The following ADAMTSL1 variants were observed in gnomAD, a reference collection of about 807,000 sequenced individuals.
ADAMTSL1 encodes the protein ADAMTS like 1, also known as ADAMTS-like protein 1.
ADAMTSL1 carries 126 observed loss-of-function variants against 201.8 expected under a neutral mutation model. The ratio of observed to expected loss-of-function variants is 0.62; its 90% CI spans 0.54 to 0.72. ADAMTSL1 has a LOEUF of 0.72. Among genes scored for constraint, ADAMTSL1 ranks in the 30% least tolerant of loss-of-function variants. The pLI, the probability that ADAMTSL1 is intolerant of heterozygous loss-of-function variation, is 0.00. For synonymous variants in ADAMTSL1, 1,121 were observed against 903.4 expected (o/e 1.24, Z -4.32); for missense variants, 2,679 against 2,277.8 (o/e 1.18, Z -3.59).
intron 2 of ADAMTSL1, among the ~76,000 whole-genome samples, chr9:18,468,433 A>T (rs1162055922): frequency 6.6e-6 from 1 of 152,178 alleles, no homozygotes; most frequent in South Asian, 2.1e-4. Context: ...ATTGAGAGAC[A>T]TGTCCAGTGG....
At chr9:18,270,803 C>T (rs1034563695) in intron 2 of ADAMTSL1, among the ~76,000 whole-genome samples, 5 of 152,128 alleles carry the variant, frequency 3.3e-5, no homozygotes, top group Non-Finnish European at 5.9e-5. Flanking sequence ...TCTAATTCGG[C>T]CATTAGCTGG....
intron 2 of ADAMTSL1, among the ~76,000 whole-genome samples, chr9:18,375,589 C>T (rs142243594): frequency 1.8e-4 from 27 of 152,216 alleles, no homozygotes; most frequent in East Asian, 7.7e-4. Flanking sequence ...TGGTTCCTTC[C>T]GGTGAGTTTG....
intron 1 of ADAMTSL1, among the ~76,000 whole-genome samples, chr9:18,079,837 G>A (rs1167251730): frequency 6.6e-6 from 1 of 152,154 alleles, no homozygotes; most frequent in Non-Finnish European, 1.5e-5. Context: ...GAGGTTGGAA[G>A]TGTTCCTAAA....
At chr9:18,767,426 G>A (rs1227397125) in intron 16 of ADAMTSL1, among the ~76,000 whole-genome samples, 3 of 152,128 alleles carry the variant, frequency 2.0e-5, no homozygotes, top group African/African-American at 7.2e-5. Flanking sequence ...CTTATAAAAA[G>A]AAAGAATGAA....
At chr9:18,452,227 A>T (rs1820435775) in intron 2 of ADAMTSL1, among the ~76,000 whole-genome samples, 1 of 152,150 alleles carries the variant, frequency 6.6e-6, no homozygotes, top group Non-Finnish European at 1.5e-5. Flanking sequence ...GCTCCCATTT[A>T]TAACAAATTT....
chr9:18,372,405 A>G (rs1245056307), intron 2 of ADAMTSL1, among the ~76,000 whole-genome samples: 1 of 152,196 alleles, frequency 6.6e-6, no homozygotes, highest in Non-Finnish European at 1.5e-5. Flanking sequence ...GACCTTTAAG[A>G]TAACTATCTC....
At chr9:18,865,094 A>G (rs573616574) in intron 23 of ADAMTSL1, among the ~76,000 whole-genome samples, 15 of 152,018 alleles carry the variant, frequency 9.9e-5, no homozygotes, top group Admixed American at 2.6e-4. Context: ...CAACGTGCAG[A>G]TTTGTTACAT....
intron 23 of ADAMTSL1, among the ~76,000 whole-genome samples, chr9:18,830,389 T>C (rs919131404): frequency 6.6e-6 from 1 of 152,194 alleles, no homozygotes; most frequent in African/African-American, 2.4e-5. Context: ...TAATCAACTT[T>C]CGAGGAGAAA....
chr9:18,811,334 C>T (rs1440857463), intron 20 of ADAMTSL1, among the ~76,000 whole-genome samples: 1 of 152,200 alleles, frequency 6.6e-6, no homozygotes, highest in Non-Finnish European at 1.5e-5. Context: ...GGAGTTCCAC[C>T]TTCACCCTGC....
At chr9:18,206,463 T>C (rs1487599182) in intron 2 of ADAMTSL1, among the ~76,000 whole-genome samples, 1 of 152,114 alleles carries the variant, frequency 6.6e-6, no homozygotes, top group Non-Finnish European at 1.5e-5. Context: ...CCTTCTTTTT[T>C]GTTCTCTATT....
chr9:18,834,446 G>A (rs1289685151), intron 23 of ADAMTSL1, among the ~76,000 whole-genome samples: 4 of 151,738 alleles, frequency 2.6e-5, no homozygotes, highest in Non-Finnish European at 1.5e-5. Context: ...TTCTTTATAC[G>A]TTTGACCCAT....
chr9:18,678,894 T>C (rs1564142967), intron 10 of ADAMTSL1, among the ~76,000 whole-genome samples: 1 of 152,178 alleles, frequency 6.6e-6, no homozygotes, highest in Non-Finnish European at 1.5e-5. Flanking sequence ...ACAGAGCTAC[T>C]TCATTCTCTT....
At chr9:17,954,783 C>T (rs1188089092) in intron 1 of ADAMTSL1, among the ~76,000 whole-genome samples, 7 of 152,124 alleles carry the variant, frequency 4.6e-5, no homozygotes, top group Admixed American at 4.6e-4. Context: ...AAATTAAACA[C>T]AGTTAGGTCT....
intron 7 of ADAMTSL1, among the ~76,000 whole-genome samples, chr9:18,640,157 A>G (rs1438442393): frequency 6.6e-6 from 1 of 152,110 alleles, no homozygotes; most frequent in Non-Finnish European, 1.5e-5. Context: ...GTAAGAATGC[A>G]TATAGGAAAA....
chr9:18,031,692 G>A (rs936207445), intron 1 of ADAMTSL1, among the ~76,000 whole-genome samples: 3 of 152,120 alleles, frequency 2.0e-5, no homozygotes, highest in Non-Finnish European at 2.9e-5. Flanking sequence ...TTTTCCAATC[G>A]TTGGCATTGT....
At chr9:18,488,385 G>C (rs2131842458) in intron 1 of ADAMTSL1, among the ~76,000 whole-genome samples, 1 of 152,268 alleles carries the variant, frequency 6.6e-6, no homozygotes, top group South Asian at 2.1e-4. Flanking sequence ...CCAGACACTT[G>C]TTAAAATTAT....
intron 2 of ADAMTSL1, among the ~76,000 whole-genome samples, chr9:18,280,141 C>A (rs747696436): frequency 6.6e-6 from 1 of 151,726 alleles, no homozygotes; most frequent in African/African-American, 2.4e-5. Flanking sequence ...TGGCTAGGTA[C>A]CAGGTGTGCT....
At chr9:18,175,559 A>G (rs1698997825) in intron 2 of ADAMTSL1, among the ~76,000 whole-genome samples, 1 of 152,126 alleles carries the variant, frequency 6.6e-6, no homozygotes, top group South Asian at 2.1e-4. Context: ...TCCATTTAGA[A>G]CTTCTTAGCT....
At chr9:18,646,087 C>T (rs938538983) in intron 7 of ADAMTSL1, among the ~76,000 whole-genome samples, 4 of 151,962 alleles carry the variant, frequency 2.6e-5, no homozygotes, top group Admixed American at 2.6e-4. Context: ...TGTAGTTCTC[C>T]TTGAAGAGGT....
Sources: gnomAD v4.1 joint callset for allele counts (sites outside exome capture counted in the v4.1 genomes callset) on GRCh38, gnomAD v4.1.1 for gene constraint, MANE v1.5 for transcripts, NCBI Gene and HGNC (gene_info 2026-07-23, HGNC 2026-07-21) for gene names.